Variants in RAD51B observed in about 807,000 individuals in gnomAD.
RAD51B encodes the protein DNA repair protein RAD51 homolog 2.
RAD51B carries 38 observed loss-of-function variants against 42.2 expected under a neutral mutation model. The observed-to-expected ratio is 0.90, with a 90% CI of 0.70 to 1.18. RAD51B has a LOEUF of 1.18. Among genes scored for constraint, RAD51B ranks in the 50% most tolerant of loss-of-function variants. The pLI is 0.00. For synonymous variants in RAD51B, 154 were observed against 145.2 expected, an observed-to-expected ratio of 1.06 and a Z score of -0.43; for missense variants, 373 against 400.7, an observed-to-expected ratio of 0.93 and a Z score of 0.59.
At chr14:68,654,559 C>T (rs868142341) in intron 11 of RAD51B, among the ~76,000 whole-genome samples, 7 of 152,188 alleles carry the variant, frequency 4.6e-5, no homozygotes, top group South Asian at 2.1e-4. Context: ...GAGAACTCCC[C>T]GCCCCATCTC....
At chr14:68,385,507 G>A (rs1300509515) in intron 8 of RAD51B, among the ~76,000 whole-genome samples, 1 of 152,158 alleles carries the variant, frequency 6.6e-6, no homozygotes, top group African/African-American at 2.4e-5. Context: ...CCATATGGCA[G>A]CTAAGAACCA....
intron 7 of RAD51B, among the ~76,000 whole-genome samples, chr14:68,132,340 T>C (rs570033668): frequency 6.6e-6 from 1 of 152,220 alleles, no homozygotes; most frequent in Non-Finnish European, 1.5e-5. Flanking sequence ...ACAAAGGTTA[T>C]GTGATCATAA....
At chr14:68,618,172 G>A (rs541300943) in intron 10 of RAD51B, among the ~76,000 whole-genome samples, 1 of 152,302 alleles carries the variant, frequency 6.6e-6, no homozygotes, top group East Asian at 1.9e-4. Context: ...TGTGTTCCCA[G>A]GTGGCTGGCT....
At chr14:68,038,735 G>T (rs1406815350) in intron 7 of RAD51B, among the ~76,000 whole-genome samples, 1 of 152,040 alleles carries the variant, frequency 6.6e-6, no homozygotes, top group Non-Finnish European at 1.5e-5. Context: ...GCCCCCACCA[G>T]CTCCCAAGAT....
intron 7 of RAD51B, among the ~76,000 whole-genome samples, chr14:68,009,848 G>A (rs745577495): frequency 2.2e-4 from 34 of 151,860 alleles, no homozygotes; most frequent in Non-Finnish European, 4.0e-4. Flanking sequence ...CTTCATAAAT[G>A]TTTGTTTAAC....
At chr14:68,434,082 C>G (rs1263289807) in intron 9 of RAD51B, among the ~76,000 whole-genome samples, 2 of 152,218 alleles carry the variant, frequency 1.3e-5, no homozygotes, top group African/African-American at 4.8e-5. Context: ...GCAAATGTTG[C>G]TGCCTCATCG....
At chr14:67,869,235 G>C (rs1476526242) in intron 5 of RAD51B, among the ~76,000 whole-genome samples, 1 of 152,208 alleles carries the variant, frequency 6.6e-6, no homozygotes, top group Non-Finnish European at 1.5e-5. Flanking sequence ...ACAGGGAAGT[G>C]CTTAAAGGAG....
intron 9 of RAD51B, among the ~76,000 whole-genome samples, chr14:68,415,936 ACT>A (rs1409969719): frequency 2.0e-5 from 3 of 151,864 alleles, no homozygotes; most frequent in African/African-American, 7.3e-5. Flanking sequence ...AAATATTATG[ACT>A]CTCTTATTTC....
At chr14:68,275,626 GC>G (rs1359649317) in intron 7 of RAD51B, among the ~76,000 whole-genome samples, 1 of 152,072 alleles carries the variant, frequency 6.6e-6, no homozygotes, top group Non-Finnish European at 1.5e-5. Flanking sequence ...CTTTTTGGTT[GC>G]TGTTTTGTTT....
At chr14:68,142,990 G>GA (rs1292208256) in intron 7 of RAD51B, among the ~76,000 whole-genome samples, 9 of 127,818 alleles carry the variant, frequency 7.0e-5, no homozygotes, top group African/African-American at 9.1e-5. Flanking sequence ...CTGTCTCAAG[G>GA]AAAAAAAAAA....
At chr14:68,226,785 A>G (rs909383442) in intron 7 of RAD51B, among the ~76,000 whole-genome samples, 1 of 152,212 alleles carries the variant, frequency 6.6e-6, no homozygotes, top group Non-Finnish European at 1.5e-5. Flanking sequence ...TGCCAGTTTT[A>G]CATAGCTAGT....
At chr14:68,002,533 T>G (rs2075505197) in intron 7 of RAD51B, among the ~76,000 whole-genome samples, 1 of 152,230 alleles carries the variant, frequency 6.6e-6, no homozygotes, top group African/African-American at 2.4e-5. Flanking sequence ...AGCTCTTCAA[T>G]TAGATCTCAT....
At chr14:68,259,192 C>G (rs1438958733) in intron 7 of RAD51B, among the ~76,000 whole-genome samples, 1 of 151,450 alleles carries the variant, frequency 6.6e-6, no homozygotes, top group East Asian at 1.9e-4. Context: ...GGCCCCTGTT[C>G]TTGAACGAAA....
At chr14:68,421,562 G>A (rs1320775249) in intron 9 of RAD51B, 2 of 684,700 alleles carry the variant, frequency 2.9e-6, no homozygotes, top group Non-Finnish European at 2.5e-6. Context: ...GAGGGAACAA[G>A]GAAAACATGG....
At chr14:68,260,221 T>C (rs565605790) in intron 7 of RAD51B, among the ~76,000 whole-genome samples, 79 of 149,104 alleles carry the variant, frequency 5.3e-4, no homozygotes, top group African/African-American at 1.9e-3. Context: ...GAAAGAAATA[T>C]CTGGTGCAAA....
chr14:68,232,080 A>G (rs868063104), intron 7 of RAD51B, among the ~76,000 whole-genome samples: 6 of 147,556 alleles, frequency 4.1e-5, no homozygotes, highest in African/African-American at 1.3e-4. Flanking sequence ...CATCACTCGT[A>G]GAGATAAATA....
At chr14:67,831,261 C>T (rs770111632) in intron 3 of RAD51B, among the ~76,000 whole-genome samples, 42 of 152,048 alleles carry the variant, frequency 2.8e-4, no homozygotes, top group Non-Finnish European at 5.7e-4. Context: ...ACTTTGAAGG[C>T]GAGGCATGCA....
chr14:68,086,809 G>A (rs567732220), intron 7 of RAD51B, among the ~76,000 whole-genome samples: 1 of 152,152 alleles, frequency 6.6e-6, no homozygotes, highest in South Asian at 2.1e-4. Context: ...AATACTTCTG[G>A]GGTTTCCTGA....
At chr14:67,865,241 C>CTTT (rs1269999800) in intron 5 of RAD51B, 102 bp downstream of exon 5, 82 of 879,640 alleles carry the variant, frequency 9.3e-5, no homozygotes, top group East Asian at 2.7e-4. Flanking sequence ...TCCCCCTTGC[C>CTTT]TTTTTTTTTT....
Sources: gnomAD v4.1 joint callset for allele counts (sites outside exome capture counted in the v4.1 genomes callset) on GRCh38, gnomAD v4.1.1 for gene constraint, MANE v1.5 for transcripts, NCBI Gene and HGNC (gene_info 2026-07-23, HGNC 2026-07-21) for gene names.